RAB11FIP4: variants seen among roughly 807,000 people sequenced by gnomAD.
RAB11FIP4 encodes rab11 family-interacting protein 4.
In RAB11FIP4, 23 loss-of-function variants were observed where a neutral mutation model predicts 74.3. The observed-to-expected ratio is 0.31, with a 90% CI of 0.22 to 0.44. The LOEUF (loss-of-function observed/expected upper bound fraction) is 0.44. Ranked by LOEUF, RAB11FIP4 falls within the 20% of genes least tolerant of loss-of-function variation. The probability of loss-of-function intolerance (pLI) is 1.00; values close to 1 mark genes in which losing one functional copy is unlikely to be tolerated. For missense variants in RAB11FIP4, 630 were observed against 863.9 expected, an observed-to-expected ratio of 0.73 and a Z score of 3.39; for synonymous variants, 360 against 359.9, an observed-to-expected ratio of 1.00 and a Z score of 0.00.
At chr17:31,419,068 A>G (rs940684764) in intron 1 of RAB11FIP4, among the ~76,000 whole-genome samples, 2 of 152,222 alleles carry the variant, frequency 1.3e-5, no homozygotes, top group African/African-American at 4.8e-5. Context: ...TTCCCGTAGC[A>G]TAATCATTTG....
rs531501221 is a variant in RAB11FIP4, at chr17:31,533,529, A to G, written c.*1797A>G. Reference sequence around the variant, plus strand: ...AATTTGCCAATAGGAAGGAGTGGCCACGGCTGAAAGGAACAAGACAGATCC... The same window carrying G: ...AATTTGCCAATAGGAAGGAGTGGCCGCGGCTGAAAGGAACAAGACAGATCC... On this transcript the variant is annotated 3_prime_UTR_variant, in exon 15 of 15. Transcript: ENST00000621161. 2.1e-4 allele frequency: 32 copies of G among 152,498 alleles called. No individual in the cohort carries two copies. Among genetic ancestry groups the G allele is most frequent in the Admixed American group, 1.6e-3 (25 of 15,310 alleles). The allele number at this position is 152,498 out of a possible 1,614,324, so 9.4% of individuals were successfully genotyped here.
chr17:31,518,977 C>T (rs1313465125), intron 4 of RAB11FIP4, among the ~76,000 whole-genome samples: 1 of 140,234 alleles, frequency 7.1e-6, no homozygotes, highest in Admixed American at 7.2e-5. Flanking sequence ...GGACTACAGG[C>T]GCGTGCCACC....
At chr17:31,518,837 G>C (rs183821203) in intron 4 of RAB11FIP4, 4 of 150,774 alleles carry the variant, frequency 2.7e-5, no homozygotes, top group African/African-American at 9.9e-5. Context: ...GATTTTTTTT[G>C]TTGTTGTTGT....
chr17:31,438,895 T>TAACTC (rs1420328344), intron 3 of RAB11FIP4, among the ~76,000 whole-genome samples: 3 of 152,084 alleles, frequency 2.0e-5, no homozygotes, highest in African/African-American at 7.2e-5. Context: ...GAGGATTACT[T>TAACTC]GAGCCCAGGA....
At chr17:31,444,078 G>A (rs1384844268) in intron 3 of RAB11FIP4, among the ~76,000 whole-genome samples, 1 of 152,176 alleles carries the variant, frequency 6.6e-6, no homozygotes, top group East Asian at 1.9e-4. Flanking sequence ...GAACTTGCTG[G>A]GGAGGAGGCC....
chr17:31,450,247 G>A (rs188468157), intron 3 of RAB11FIP4, among the ~76,000 whole-genome samples: 263 of 151,782 alleles, frequency 1.7e-3, no homozygotes, highest in African/African-American at 5.3e-3. Context: ...TTCTCAGATC[G>A]TCCTTTTAGC....
chr17:31,471,226 C>T (rs2071733549), intron 3 of RAB11FIP4, among the ~76,000 whole-genome samples: 1 of 147,278 alleles, frequency 6.8e-6, no homozygotes, highest in Non-Finnish European at 1.5e-5. Context: ...CCATGCCCAG[C>T]TAATTTTTTT....
intron 3 of RAB11FIP4, among the ~76,000 whole-genome samples, chr17:31,495,317 C>T (rs998417159): frequency 4.0e-5 from 6 of 151,706 alleles, no homozygotes; most frequent in African/African-American, 1.2e-4. Flanking sequence ...GCTGGCTAGC[C>T]TGGCCTAGCC....
At chr17:31,424,785 C>T (rs1469529416) in intron 1 of RAB11FIP4, among the ~76,000 whole-genome samples, 1 of 152,082 alleles carries the variant, frequency 6.6e-6, no homozygotes, top group Admixed American at 6.5e-5. Flanking sequence ...CCATGTTGGC[C>T]AGGCTGGTCT....
At chr17:31,523,768 C>A in intron 8 of RAB11FIP4, 125 bp from the exon 9 acceptor site, 1 of 985,110 alleles carries the variant, frequency 1.0e-6, no homozygotes, top group Non-Finnish European at 1.6e-6. Flanking sequence ...CTCCCCCACC[C>A]CACACATGAC....
At position 31,500,345 on chromosome 17, in the gene RAB11FIP4, G is replaced by A. The variant is rs184923692; in HGVS notation, c.337-17306G>A. On this transcript the variant is annotated intron_variant, in intron 3 of 14. Transcript: ENST00000621161. Reference sequence around the variant, plus strand: ...TCTGAGCAGGGTGCCCACGTGTCCCGGGGGCAGTAGCGGCCCTCCTTCCCA... The same window carrying A: ...TCTGAGCAGGGTGCCCACGTGTCCCAGGGGCAGTAGCGGCCCTCCTTCCCA... Among the ~76,000 whole-genome samples the A allele has an allele frequency of 1.3e-4, 20 of 152,234 alleles. No homozygotes were observed. The East Asian group carries it at 1.7e-3, about 13-fold the overall frequency.
rs2072916659 is a variant in RAB11FIP4 at position 31,533,951 on chromosome 17, TCA to T, written c.*2220_*2221del. The T allele has an allele frequency of 6.6e-6, 1 of 152,256 alleles. No individual in the cohort carries two copies. The highest frequency in any genetic ancestry group is 1.5e-5 in the Non-Finnish European group (1 of 68,046). 9.4% of individuals were successfully genotyped at this position (152,256 alleles called of 1,614,324 possible). A position where few individuals can be genotyped will look rare whatever the true frequency, so the allele number is the denominator to read the frequency against. ...CACCTCAAGTCCAACCTTACTTTCT[TCA>T]GCCAGAATACATTTCTTGTAAAACC... On this transcript the variant is annotated 3_prime_UTR_variant, in exon 15 of 15. Coordinates refer to ENST00000621161, the MANE Select transcript of RAB11FIP4 (RefSeq NM_032932.6).
intron 1 of RAB11FIP4, among the ~76,000 whole-genome samples, chr17:31,405,028 C>T (rs1021482325): frequency 5.9e-5 from 9 of 152,018 alleles, no homozygotes; most frequent in African/African-American, 2.2e-4. Flanking sequence ...CCAAAGGTTT[C>T]GGGATAAAAT....
chr17:31,494,306 G>A (rs1431177205), intron 3 of RAB11FIP4, among the ~76,000 whole-genome samples: 1 of 152,014 alleles, frequency 6.6e-6, no homozygotes, highest in African/African-American at 2.4e-5. Context: ...GATGAGGCTA[G>A]TACCTCCCTC....
At chr17:31,483,495 T>C (rs2071871309) in intron 3 of RAB11FIP4, among the ~76,000 whole-genome samples, 1 of 152,242 alleles carries the variant, frequency 6.6e-6, no homozygotes, top group Non-Finnish European at 1.5e-5. Flanking sequence ...TTTAAAGCCA[T>C]AGAACCCTTT....
At chr17:31,475,292 A>C (rs949056962) in intron 3 of RAB11FIP4, among the ~76,000 whole-genome samples, 5 of 151,968 alleles carry the variant, frequency 3.3e-5, no homozygotes, top group Admixed American at 2.6e-4. Flanking sequence ...AAGAGAGGAG[A>C]GTCAGCTTAA....
chr17:31,522,414 G>C lies in RAB11FIP4; in HGVS notation c.929+19G>C. ...TTGGACGGTAAGGCCCGCCTCGAGG[G>C]AGGGCAAATTGAGTGCTGTCCCCAT... On this transcript the variant is annotated intron_variant, in intron 7 of 14. Coordinates refer to ENST00000621161, the MANE Select transcript of RAB11FIP4 (RefSeq NM_032932.6). The C allele has an allele frequency of 6.2e-7, 1 of 1,612,720 alleles. No homozygotes were observed. Among genetic ancestry groups the C allele is most frequent in the South Asian group, 1.1e-5 (1 of 90,980 alleles).
chr17:31,434,658 C>A (rs2071341441), intron 3 of RAB11FIP4, among the ~76,000 whole-genome samples: 1 of 152,152 alleles, frequency 6.6e-6, no homozygotes, highest in Admixed American at 6.5e-5. Flanking sequence ...ACACAGGGTT[C>A]CCAGGACCAC....
At chr17:31,487,247 A>C (rs1171231087) in intron 3 of RAB11FIP4, among the ~76,000 whole-genome samples, 1 of 152,264 alleles carries the variant, frequency 6.6e-6, no homozygotes, top group South Asian at 2.1e-4. Context: ...AGTCCAGGGC[A>C]TGGTTAAGAG....
Sources: allele counts gnomAD v4.1 joint callset (sites outside exome capture counted in the v4.1 genomes callset), GRCh38; gene constraint gnomAD v4.1.1; transcripts MANE v1.5; gene names NCBI Gene and HGNC (gene_info 2026-07-23, HGNC 2026-07-21).